The following MACROD2 variants were observed in gnomAD, a reference collection of about 807,000 sequenced individuals.
MACROD2 encodes ADP-ribose glycohydrolase MACROD2.
MACROD2 carries 36 observed loss-of-function variants against 70.4 expected under a neutral mutation model. The observed-to-expected ratio is 0.51, with a 90% CI of 0.39 to 0.68. The LOEUF (loss-of-function observed/expected upper bound fraction) is 0.68, where lower values mean the gene tolerates loss of function less well. Ranked by LOEUF, MACROD2 falls within the 30% of genes least tolerant of loss-of-function variation. The pLI, the probability that MACROD2 is intolerant of heterozygous loss-of-function variation, is 0.00. For synonymous variants in MACROD2, 172 were observed against 178.8 expected, an observed-to-expected ratio of 0.96 and a Z score of 0.30; for missense variants, 496 against 538.4, an observed-to-expected ratio of 0.92 and a Z score of 0.78.
At chr20:14,702,569 A>AGTG (rs2071211311) in intron 5 of MACROD2, among the ~76,000 whole-genome samples, 1 of 40,936 alleles carries the variant, frequency 2.4e-5, no homozygotes, top group Non-Finnish European at 4.9e-5. Flanking sequence ...ATATATACAC[A>AGTG]TATATGTGTA....
At chr20:14,730,744 A>G (rs1019493979) in intron 5 of MACROD2, among the ~76,000 whole-genome samples, 2 of 152,194 alleles carry the variant, frequency 1.3e-5, no homozygotes, top group African/African-American at 2.4e-5. Context: ...GACTGTATAA[A>G]CCAATAATAG....
chr20:16,028,648 GC>G (rs775721368), intron 15 of MACROD2, among the ~76,000 whole-genome samples: 29 of 152,084 alleles, frequency 1.9e-4, no homozygotes, highest in Admixed American at 3.9e-4. Flanking sequence ...AATTTCTGTT[GC>G]CATGGAAAGG....
At chr20:15,145,743 A>T (rs2076225592) in intron 5 of MACROD2, among the ~76,000 whole-genome samples, 1 of 152,114 alleles carries the variant, frequency 6.6e-6, no homozygotes, top group South Asian at 2.1e-4. Context: ...ATAAGAAATG[A>T]TTTTTAATTT....
intron 5 of MACROD2, among the ~76,000 whole-genome samples, chr20:15,149,358 G>A (rs1303549722): frequency 6.6e-6 from 1 of 152,046 alleles, no homozygotes; most frequent in African/African-American, 2.4e-5. Context: ...TGGTGGAGCT[G>A]CCATCAGTAA....
intron 5 of MACROD2, among the ~76,000 whole-genome samples, chr20:14,874,382 C>G (rs2073525333): frequency 7.0e-6 from 1 of 142,870 alleles, no homozygotes; most frequent in South Asian, 2.2e-4. Context: ...CTGCAGACAA[C>G]TTGAACTGAT....
At chr20:14,163,871 G>C (rs1394388203) in intron 3 of MACROD2, among the ~76,000 whole-genome samples, 2 of 151,322 alleles carry the variant, frequency 1.3e-5, no homozygotes, top group Non-Finnish European at 2.9e-5. Context: ...TATTTGTATT[G>C]TTTTTCAGAG....
intron 5 of MACROD2, among the ~76,000 whole-genome samples, chr20:14,983,048 T>A (rs1173937058): frequency 6.6e-6 from 1 of 152,192 alleles, no homozygotes. Flanking sequence ...ACCTCTAGCA[T>A]CAGTGTTACC....
At chr20:14,858,168 A>G (rs574570805) in intron 5 of MACROD2, among the ~76,000 whole-genome samples, 1 of 152,248 alleles carries the variant, frequency 6.6e-6, no homozygotes, top group Non-Finnish European at 1.5e-5. Flanking sequence ...TTTGTTAGAA[A>G]GAGAGTCACA....
intron 4 of MACROD2, among the ~76,000 whole-genome samples, chr20:14,645,640 C>T (rs1329449953): frequency 6.6e-6 from 1 of 151,918 alleles, no homozygotes; most frequent in Non-Finnish European, 1.5e-5. Context: ...TAGAGCATCG[C>T]CATAATGTAG....
At chr20:14,709,614 G>A (rs1236940056) in intron 5 of MACROD2, among the ~76,000 whole-genome samples, 1 of 152,138 alleles carries the variant, frequency 6.6e-6, no homozygotes, top group Admixed American at 6.5e-5. Context: ...AGCGTGACTG[G>A]CTGTAGCAAG....
rs753843313 is a variant in MACROD2, at chr20:16,049,887, C to T, written c.*11C>T. 6.4e-7 allele frequency: 1 copy of T among 1,568,140 alleles called. No homozygotes were observed. Among genetic ancestry groups the T allele is most frequent in the East Asian group, 2.4e-5 (1 of 41,372 alleles). ...AATGGAACTAAATGACAATCCTCAG[C>T]ATCGCAAGGCCTCTCCTGGCTCTGG... On this transcript the variant is annotated 3_prime_UTR_variant, in exon 18 of 18. Coordinates refer to ENST00000684519, the MANE Select transcript of MACROD2 (RefSeq NM_001351661.2).
chr20:14,030,009 T>C (rs1167588418), intron 2 of MACROD2, among the ~76,000 whole-genome samples: 1 of 152,182 alleles, frequency 6.6e-6, no homozygotes, highest in Non-Finnish European at 1.5e-5. Context: ...AGCTAAGAAA[T>C]AGTACTTTTT....
intron 3 of MACROD2, among the ~76,000 whole-genome samples, chr20:14,456,118 T>A (rs537906452): frequency 1.3e-5 from 2 of 151,962 alleles, no homozygotes; most frequent in East Asian, 3.9e-4. Flanking sequence ...AATAGCATAT[T>A]AATAAGGATT....
intron 8 of MACROD2, among the ~76,000 whole-genome samples, chr20:15,858,120 A>AG (rs869260708): frequency 7.2e-4 from 14 of 19,372 alleles, no homozygotes; most frequent in African/African-American, 1.2e-4. Context: ...GGGCCTTGGG[A>AG]AAAAAAAAAT....
At chr20:14,641,055 T>C (rs1470234253) in intron 4 of MACROD2, among the ~76,000 whole-genome samples, 2 of 152,246 alleles carry the variant, frequency 1.3e-5, no homozygotes, top group African/African-American at 4.8e-5. Context: ...TCAAAATTTG[T>C]ATCAGTCCTC....
intron 4 of MACROD2, among the ~76,000 whole-genome samples, chr20:14,616,657 T>G (rs1381581743): frequency 6.6e-6 from 1 of 152,072 alleles, no homozygotes; most frequent in African/African-American, 2.4e-5. Context: ...AATACTGCCT[T>G]CTAGGGGACT....
intron 3 of MACROD2, among the ~76,000 whole-genome samples, chr20:14,319,821 C>G (rs1427474739): frequency 6.6e-6 from 1 of 152,096 alleles, no homozygotes; most frequent in Admixed American, 6.6e-5. Flanking sequence ...TCTTCTTCTT[C>G]CCCTGCTACA....
chr20:14,830,714 G>T (rs2072954739), intron 5 of MACROD2, among the ~76,000 whole-genome samples: 1 of 152,130 alleles, frequency 6.6e-6, no homozygotes, highest in African/African-American at 2.4e-5. Flanking sequence ...CTAGGCAGAT[G>T]CATATCAGAG....
chr20:15,819,898 A>G (rs962884705), intron 8 of MACROD2, among the ~76,000 whole-genome samples: 3 of 152,186 alleles, frequency 2.0e-5, no homozygotes, highest in African/African-American at 7.2e-5. Flanking sequence ...TTTTTGTTAA[A>G]TAAGTAGATT....
Sources: allele counts gnomAD v4.1 joint callset (sites outside exome capture counted in the v4.1 genomes callset), GRCh38; gene constraint gnomAD v4.1.1; transcripts MANE v1.5; gene names NCBI Gene and HGNC (gene_info 2026-07-23, HGNC 2026-07-21).